The following TCF4 variants were observed in gnomAD, a reference collection of about 807,000 sequenced individuals.
TCF4 encodes the protein SL3-3 enhancer factor 2.
TCF4 carries 3 observed loss-of-function variants against 82.1 expected under a neutral mutation model. That is an observed-to-expected ratio of 0.04 (90% CI 0.02 to 0.09). The LOEUF (loss-of-function observed/expected upper bound fraction) is 0.09, where lower values mean the gene tolerates loss of function less well. Among genes scored for constraint, TCF4 ranks in the 10% least tolerant of loss-of-function variants. The pLI is 1.00. For missense variants in TCF4, 518 were observed against 852.7 expected, an observed-to-expected ratio of 0.61 and a Z score of 4.89; for synonymous variants, 276 against 309.6, an observed-to-expected ratio of 0.89 and a Z score of 1.14.
intron 5 of TCF4, among the ~76,000 whole-genome samples, chr18:55,440,466 C>T (rs983480051): frequency 3.3e-5 from 5 of 152,190 alleles, no homozygotes; most frequent in Non-Finnish European, 7.3e-5. Flanking sequence ...CTGTGTCTGA[C>T]ATCTGTCCCC....
intron 3 of TCF4, among the ~76,000 whole-genome samples, chr18:55,538,017 T>TGCGCGC (rs756676190): frequency 5.9e-4 from 82 of 138,780 alleles, no homozygotes; most frequent in South Asian, 2.2e-3. Flanking sequence ...TTTGCTAGTC[T>TGCGCGC]GCGCGCGCGC....
chr18:55,550,695 C>A (rs979645750), intron 3 of TCF4: 1 of 152,162 alleles, frequency 6.6e-6, no homozygotes, highest in Admixed American at 6.5e-5. Context: ...GGGCGCATGA[C>A]CAGCTGTGGA....
At position 55,586,167 on chromosome 18, in the gene TCF4, GCA is replaced by G. The variant is rs2097647476; in HGVS notation, c.73-817_73-816del. ...AGGAGGAGGAGGAGCAGCAGCAGCA[GCA>G]GCAGCAGCAGCAGCAGCAGCAGCAG... On this transcript the variant is annotated intron_variant, in intron 2 of 19. Coordinates refer to ENST00000354452, the MANE Select transcript of TCF4 (RefSeq NM_001083962.2). 25 of 382,006 alleles carry G rather than the reference GCA, an allele frequency of 6.5e-5. 3 individuals are homozygous for G. The highest frequency in any genetic ancestry group is 3.8e-4 in the Admixed American group (3 of 7,804). 23.7% of individuals were successfully genotyped at this position (382,006 alleles called of 1,614,324 possible). A position where few individuals can be genotyped will look rare whatever the true frequency, so the allele number is the denominator to read the frequency against.
chr18:55,430,887 C>T (rs1423229501), intron 5 of TCF4, among the ~76,000 whole-genome samples: 1 of 152,188 alleles, frequency 6.6e-6, no homozygotes, highest in African/African-American at 2.4e-5. Context: ...ACTTTCACAT[C>T]ATCCCAGGAG....
At chr18:55,258,955 C>T (rs960982145) in intron 13 of TCF4, among the ~76,000 whole-genome samples, 1 of 152,072 alleles carries the variant, frequency 6.6e-6, no homozygotes, top group Non-Finnish European at 1.5e-5. Flanking sequence ...CTTCAGAATC[C>T]CACTGCCCTC....
intron 6 of TCF4, among the ~76,000 whole-genome samples, chr18:55,395,023 G>T (rs534587158): frequency 6.6e-6 from 1 of 152,210 alleles, no homozygotes; most frequent in East Asian, 1.9e-4. Flanking sequence ...TTTCAGTGTT[G>T]CCAATATTTT....
In TCF4 at chr18:55,227,384, T is replaced by TTA. The variant is rs1416590061; in HGVS notation, c.*649_*650dup. 6.7e-6 allele frequency: 1 copy of TTA among 148,576 alleles called. No homozygotes were observed. Among genetic ancestry groups the TTA allele is most frequent in the East Asian group, 1.9e-4 (1 of 5,154 alleles). 9.2% of individuals were successfully genotyped at this position (148,576 alleles called of 1,614,324 possible). On this transcript the variant is annotated 3_prime_UTR_variant, in exon 20 of 20. Transcript: ENST00000354452. The stretch of plus-strand genomic sequence containing the variant: ...TAGTCACTAAATTTTTAATATATAT[T>TTA]TATATATATATTTATATATATATTT...
chr18:55,543,365 G>A (rs902562973), intron 3 of TCF4, among the ~76,000 whole-genome samples: 1 of 151,970 alleles, frequency 6.6e-6, no homozygotes, highest in Non-Finnish European at 1.5e-5. Flanking sequence ...CTAATGCCTG[G>A]TACAAGGCAA....
chr18:55,360,401 G>C (rs2084791904), intron 6 of TCF4, among the ~76,000 whole-genome samples: 1 of 152,116 alleles, frequency 6.6e-6, no homozygotes, highest in Non-Finnish European at 1.5e-5. Flanking sequence ...GAAGTGATAT[G>C]GCCCCATTTT....
intron 8 of TCF4, among the ~76,000 whole-genome samples, chr18:55,283,347 A>C (rs1370979109): frequency 6.6e-6 from 1 of 152,172 alleles, no homozygotes; most frequent in Non-Finnish European, 1.5e-5. Context: ...AAAAGCAAGC[A>C]CAGAAACCAA....
At chr18:55,384,604 T>C (rs1033563900) in intron 6 of TCF4, among the ~76,000 whole-genome samples, 5 of 152,322 alleles carry the variant, frequency 3.3e-5, no homozygotes, top group Admixed American at 2.6e-4. Flanking sequence ...ACATTGATAC[T>C]GAAAGAAGAC....
At chr18:55,524,668 T>C (rs921438542) in intron 3 of TCF4, among the ~76,000 whole-genome samples, 2 of 152,182 alleles carry the variant, frequency 1.3e-5, no homozygotes, top group African/African-American at 2.4e-5. Flanking sequence ...CCAAGAAGTA[T>C]GCTAACCACC....
intron 2 of TCF4, chr18:55,585,987 A>G: frequency 2.3e-6 from 3 of 1,332,856 alleles, no homozygotes; most frequent in Non-Finnish European, 2.9e-6. Flanking sequence ...CCTGAGTCAG[A>G]GCCTGCAAAA....
intron 15 of TCF4, 66 bp downstream of exon 15, chr18:55,254,431 T>G: frequency 6.8e-7 from 1 of 1,478,956 alleles, no homozygotes; most frequent in Non-Finnish European, 9.4e-7. Context: ...ACAGCAACAA[T>G]AGTATCTATA....
At position 55,275,698 on chromosome 18, in the gene TCF4, C is replaced by T. The variant is rs559539653; in HGVS notation, c.710G>A (p.Gly237Asp). ...AGAGTTGCCCAACATTCCTGCATAGCCAGGCTGATTCATCCCACTGGAGGA... is the reference window on the plus strand; with the variant it reads ...AGAGTTGCCCAACATTCCTGCATAGTCAGGCTGATTCATCCCACTGGAGGA... ...WSSSSGMNQP[G>D]YAGMLGNSSH... The change falls in exon 10 of 20, where the codon GGC (glycine) becomes GAC (aspartate). Residue 237 changes from glycine to aspartate, a missense_variant. Gly to Asp is a moderately conservative substitution (Grantham distance 94). Around this residue, in one of 7 missense-constraint regions of TCF4, gnomAD observed 211 missense variants for 327.4 expected, o/e 0.64. Transcript: ENST00000354452. 2 of 1,613,912 alleles carry T rather than the reference C, an allele frequency of 1.2e-6. No homozygotes were observed. Among genetic ancestry groups the T allele is most frequent in the African/African-American group, 2.7e-5 (2 of 75,008 alleles).
chr18:55,480,047 A>G (rs2096387633), intron 3 of TCF4, among the ~76,000 whole-genome samples: 2 of 152,114 alleles, frequency 1.3e-5, no homozygotes, highest in Non-Finnish European at 2.9e-5. Flanking sequence ...CTGTCTCAAG[A>G]AAATAGACAC....
At chr18:55,336,735 T>C (rs1471911410) in intron 8 of TCF4, among the ~76,000 whole-genome samples, 1 of 152,160 alleles carries the variant, frequency 6.6e-6, no homozygotes, top group East Asian at 1.9e-4. Context: ...ACATGTTTAT[T>C]AGTAACTGTA....
intron 11 of TCF4, among the ~76,000 whole-genome samples, chr18:55,263,451 C>T (rs989449791): frequency 3.3e-5 from 5 of 151,910 alleles, no homozygotes; most frequent in Admixed American, 6.6e-5. Flanking sequence ...ATTAAGGAGT[C>T]CTTTAAAAAC....
intron 11 of TCF4, 61 bp downstream of exon 11, chr18:55,269,770 C>G (rs760237336): frequency 6.2e-7 from 1 of 1,607,204 alleles, no homozygotes; most frequent in Non-Finnish European, 8.5e-7. Flanking sequence ...AAAAAGAGGT[C>G]CTTGATGATT....
Sources: allele counts gnomAD v4.1 joint callset (sites outside exome capture counted in the v4.1 genomes callset), GRCh38; gene constraint gnomAD v4.1.1; regional missense constraint gnomAD v4.1.1; transcripts MANE v1.5; gene names NCBI Gene and HGNC (gene_info 2026-07-23, HGNC 2026-07-21).